Variants in CCSER1 observed in about 807,000 individuals in gnomAD.
CCSER1 encodes serine-rich coiled-coil domain-containing protein 1.
Under a neutral mutation model 82.0 loss-of-function variants are expected in CCSER1, and 41 were observed. That is an observed-to-expected ratio of 0.50 (90% CI 0.39 to 0.65). The LOEUF is 0.65. Ranked by LOEUF, CCSER1 falls within the 30% of genes least tolerant of loss-of-function variation. CCSER1 has a pLI of 0.00. For synonymous variants in CCSER1, 414 were observed against 383.9 expected (o/e 1.08, Z -0.92); for missense variants, 1,119 against 1,064.2 (o/e 1.05, Z -0.72).
chr4:91,552,484 A>G (rs1762202897), intron 10 of CCSER1, among the ~76,000 whole-genome samples: 1 of 151,672 alleles, frequency 6.6e-6, no homozygotes, highest in Admixed American at 6.6e-5. Context: ...ATTTGGGTTG[A>G]TGTGATAAAG....
rs1275176318 is a variant in CCSER1 at position 90,743,472 on chromosome 4, T to A, written c.2010+19481T>A. Among the ~76,000 whole-genome samples, 5 of 152,224 alleles carry A rather than the reference T, an allele frequency of 3.3e-5. 1 individual carries two copies. The East Asian group carries it at 5.8e-4, about 18-fold the overall frequency. The stretch of plus-strand genomic sequence containing the variant: ...ACACGTCTTCTTTTTCTCACATAGT[T>A]TATTTTACTTTAGTAAATCTGATGG... On this transcript the variant is annotated intron_variant, in intron 7 of 10. Coordinates refer to ENST00000509176, the MANE Select transcript of CCSER1 (RefSeq NM_001145065.2).
intron 10 of CCSER1, among the ~76,000 whole-genome samples, chr4:91,438,267 T>A (rs985956917): frequency 1.4e-4 from 22 of 152,174 alleles, no homozygotes; most frequent in African/African-American, 4.8e-4. Context: ...CACGGCCGGG[T>A]ACTCTTCTGA....
intron 5 of CCSER1, among the ~76,000 whole-genome samples, chr4:90,547,578 A>G (rs771806532): frequency 1.4e-4 from 21 of 152,144 alleles, no homozygotes; most frequent in Non-Finnish European, 2.4e-4. Context: ...AAAAAAATGA[A>G]AACATACTCT....
chr4:90,699,395 G>T (rs1002828395), intron 6 of CCSER1, among the ~76,000 whole-genome samples: 1 of 152,130 alleles, frequency 6.6e-6, no homozygotes, highest in Non-Finnish European at 1.5e-5. Flanking sequence ...AACCTGGGAG[G>T]TGAAGGTTAC....
chr4:90,354,206 A>G (rs994956075), intron 3 of CCSER1, among the ~76,000 whole-genome samples: 4 of 152,200 alleles, frequency 2.6e-5, no homozygotes, highest in Non-Finnish European at 5.9e-5. Flanking sequence ...AAAGACAGCT[A>G]CTATATGATC....
chr4:91,176,966 T>A (rs895256095), intron 10 of CCSER1, among the ~76,000 whole-genome samples: 2 of 152,188 alleles, frequency 1.3e-5, no homozygotes, highest in Non-Finnish European at 2.9e-5. Context: ...TTGTCATAAA[T>A]AGCTCTTATT....
intron 4 of CCSER1, among the ~76,000 whole-genome samples, chr4:90,435,660 A>G (rs1336306645): frequency 2.0e-5 from 3 of 152,126 alleles, no homozygotes; most frequent in East Asian, 3.8e-4. Flanking sequence ...GCAAATTAAC[A>G]GTGTTTTACT....
intron 10 of CCSER1, among the ~76,000 whole-genome samples, chr4:91,496,598 ATT>A (rs1443787369): frequency 0.068 from 2,069 of 30,524 alleles, 592 homozygotes; most frequent in Non-Finnish European, 0.12. Context: ...ACGAATATAT[ATT>A]TGAATATATA....
intron 7 of CCSER1, chr4:90,782,100 AG>A (rs1753854765): frequency 2.4e-6 from 1 of 419,116 alleles, no homozygotes; most frequent in Non-Finnish European, 3.2e-6. Context: ...GCCCAGGATA[AG>A]AAAAAATCCA....
At chr4:91,163,046 C>T (rs769290961) in intron 10 of CCSER1, among the ~76,000 whole-genome samples, 5 of 152,032 alleles carry the variant, frequency 3.3e-5, no homozygotes, top group Non-Finnish European at 4.4e-5. Context: ...TTACATATTC[C>T]CTGCTTTCTC....
At chr4:91,406,296 A>G (rs140340926) in intron 10 of CCSER1, among the ~76,000 whole-genome samples, 1,736 of 152,252 alleles carry the variant, frequency 0.011, 21 homozygotes, top group Non-Finnish European at 0.019. Flanking sequence ...ATGTTGTTCA[A>G]GTTAATAAAT....
chr4:90,300,224 C>T (rs955629148), intron 1 of CCSER1, among the ~76,000 whole-genome samples: 5 of 152,076 alleles, frequency 3.3e-5, no homozygotes, highest in South Asian at 2.1e-4. Flanking sequence ...ACATTATATA[C>T]GTCTTTTCAG....
At chr4:90,350,941 A>G (rs1482497277) in intron 3 of CCSER1, among the ~76,000 whole-genome samples, 1 of 152,174 alleles carries the variant, frequency 6.6e-6, no homozygotes, top group Non-Finnish European at 1.5e-5. Flanking sequence ...CTAAAAATGT[A>G]TTGCACTGCA....
chr4:91,398,646 A>T (rs1427094260), intron 10 of CCSER1, among the ~76,000 whole-genome samples: 1 of 151,780 alleles, frequency 6.6e-6, no homozygotes, highest in Admixed American at 6.6e-5. Flanking sequence ...AAATTGAGAT[A>T]TTTAGAGATA....
intron 9 of CCSER1, among the ~76,000 whole-genome samples, chr4:91,023,724 A>G (rs575459598): frequency 6.6e-6 from 1 of 152,152 alleles, no homozygotes; most frequent in African/African-American, 2.4e-5. Context: ...AACCTAGGCA[A>G]TACCATTCAG....
chr4:90,847,142 T>G (rs774497169), intron 8 of CCSER1, among the ~76,000 whole-genome samples: 2 of 152,214 alleles, frequency 1.3e-5, no homozygotes, highest in Non-Finnish European at 2.9e-5. Context: ...TATTAATGTA[T>G]TAACCAACAC....
intron 10 of CCSER1, among the ~76,000 whole-genome samples, chr4:91,384,004 G>A (rs1423275718): frequency 6.6e-6 from 1 of 152,124 alleles, no homozygotes; most frequent in Admixed American, 6.5e-5. Flanking sequence ...TGCAGTTTTT[G>A]TTAAAGAATC....
intron 9 of CCSER1, among the ~76,000 whole-genome samples, chr4:91,012,712 T>TCCCTCAGG (rs1297740481): frequency 1.1e-5 from 1 of 88,744 alleles, no homozygotes. Flanking sequence ...AACTCTAAGA[T>TCCCTCAGG]AATGTAGAAT....
At chr4:91,288,059 A>G (rs1301895807) in intron 10 of CCSER1, among the ~76,000 whole-genome samples, 2 of 148,012 alleles carry the variant, frequency 1.4e-5, no homozygotes, top group African/African-American at 5.0e-5. Context: ...GAGTTTATTT[A>G]GGATATATAT....
Sources: gnomAD v4.1 joint callset for allele counts (sites outside exome capture counted in the v4.1 genomes callset) on GRCh38, gnomAD v4.1.1 for gene constraint, MANE v1.5 for transcripts, NCBI Gene and HGNC (gene_info 2026-07-23, HGNC 2026-07-21) for gene names.